The following ZNF837 variants were observed in gnomAD, a reference collection of about 807,000 sequenced individuals.
ZNF837 encodes the protein zinc finger protein 837.
For missense variants in ZNF837, 955 were observed against 801.7 expected, an observed-to-expected ratio of 1.19 and a Z score of -2.31; for synonymous variants, 475 against 365.2, an observed-to-expected ratio of 1.30 and a Z score of -3.43.
chr19:58,368,669 C>T lies in ZNF837; in HGVS notation c.664G>A (p.Glu222Lys). 2 of 1,529,632 alleles carry T rather than the reference C, an allele frequency of 1.3e-6. No homozygotes were observed. Among genetic ancestry groups the T allele is most frequent in the South Asian group, 1.2e-5 (1 of 83,422 alleles). The allele number at this position is 1,529,632 out of a possible 1,614,324, so 94.8% of individuals were successfully genotyped here. ...CACCGGGCACACGGACGGGGCTCCT[C>T]CGTCGCCTGCAGCCTCTCCTGGGGG... ...RIPQERLQAT[E>K]EPRPCARCGK... Residue 222 changes from glutamate to lysine, a missense_variant, in exon 3 of 3, where the codon GAG (glutamate) becomes AAG (lysine). Physicochemically the swap from Glu to Lys is moderately conservative, Grantham distance 56 (BLOSUM62 1). Transcript: ENST00000597582.
Position 58,368,481 on chromosome 19 carries a change from G to C in ZNF837, c.852C>G (p.Ser284=). The C allele has an allele frequency of 6.4e-7, 1 of 1,563,832 alleles. No homozygotes were observed. The highest frequency in any genetic ancestry group is 8.6e-7 in the Non-Finnish European group (1 of 1,156,496). ...GGATGCGCTGGTGCTGCAGCAGGCT[G>C]GAGGTGCGCGTGAAGGCCTTGCCGC... ...DECGKAFTRT[S]SLLQHQRIHT... Residue 284 remains serine (S), a synonymous_variant, in exon 3 of 3, where the codon TCC becomes TCG. Transcript: ENST00000597582.
At chr19:58,371,740 GAGAC>G (rs1025851639) in intron 1 of ZNF837, among the ~76,000 whole-genome samples, 1 of 152,078 alleles carries the variant, frequency 6.6e-6, no homozygotes, top group African/African-American at 2.4e-5. Context: ...GGTGTTTTTT[GAGAC>G]AGAGGCTCTC....
chr19:58,371,421 T>C (rs2052201119), intron 1 of ZNF837, among the ~76,000 whole-genome samples: 1 of 152,042 alleles, frequency 6.6e-6, no homozygotes, highest in Non-Finnish European at 1.5e-5. Flanking sequence ...AATAAATAAA[T>C]AAATAAATAT....
At position 58,368,926 on chromosome 19, in the gene ZNF837, G is replaced by A. The variant is rs905807380; in HGVS notation, c.407C>T (p.Ala136Val). 1 of 1,545,792 alleles carries A rather than the reference G, an allele frequency of 6.5e-7. No homozygotes were observed. Among genetic ancestry groups the A allele is most frequent in the Non-Finnish European group, 8.7e-7 (1 of 1,144,318 alleles). ...RNSCLAWHRGAPAGETPPVCD... is the reference protein window; with the variant it reads ...RNSCLAWHRGVPAGETPPVCD... ...CACGGGTGGCGTCTCCCCAGCGGGCGCCCCGCGATGCCACGCCAGGCAGGA... is the reference window on the plus strand; with the variant it reads ...CACGGGTGGCGTCTCCCCAGCGGGCACCCCGCGATGCCACGCCAGGCAGGA... Residue 136 changes from alanine (A) to valine (V), a missense_variant, in exon 3 of 3, where the codon GCG (alanine) becomes GTG (valine). Physicochemically the swap from Ala to Val is moderately conservative, Grantham distance 64 (BLOSUM62 0). Coordinates refer to ENST00000597582, the MANE Select transcript of ZNF837 (RefSeq NM_138466.2).
rs2052149612 is a variant in ZNF837, at chr19:58,367,845, CGT to C, written c.1486_1487del (p.Thr496AlafsTer66). ...ACGCGTAGGGCCGCTCGCCCGTGTG[CGT>C]GCGCAGGTGGCGCACCAGGCTGCAG... Reference protein sequence around the residue: ...RNCSLVRHLRTHTGERPYACG... With the variant: ...RNCSLVRHLRXHTGERPYACG... On this transcript the variant is annotated frameshift_variant, in exon 3 of 3. Transcript: ENST00000597582. LOFTEE classifies it low-confidence loss of function (END_TRUNC). 1.3e-6 allele frequency: 2 copies of C among 1,535,044 alleles called. No individual in the cohort carries two copies. The highest frequency in any genetic ancestry group is 1.7e-6 in the Non-Finnish European group (2 of 1,144,276).
chr19:58,377,204 G>A (rs1183197238), intron 1 of ZNF837, among the ~76,000 whole-genome samples: 1 of 136,974 alleles, frequency 7.3e-6, no homozygotes. Context: ...GCGACAGAGC[G>A]AGACTCCGTC....
intron 1 of ZNF837, among the ~76,000 whole-genome samples, chr19:58,370,542 G>A (rs2052190466): frequency 6.6e-6 from 1 of 152,186 alleles, no homozygotes; most frequent in South Asian, 2.1e-4. Flanking sequence ...ACTTTGCTGA[G>A]ATACACACAC....
Position 58,368,076 on chromosome 19 carries a change from G to C in ZNF837, c.1257C>G (p.Tyr419Ter). The change falls in exon 3 of 3, where the codon TAC becomes TAG. Residue 419 changes from tyrosine (Y) to a stop codon, truncating the protein, a stop_gained. Transcript: ENST00000597582. LOFTEE classifies it low-confidence loss of function (END_TRUNC). ...HQRTHSSAKP[Y>*]ACPLCEKAFK... ...AGGCCTTTTCGCACAGTGGGCACGC[G>C]TAGGGCTTGGCGCTGCTGTGAGTGC... 1 of 1,549,670 alleles carries C rather than the reference G, an allele frequency of 6.5e-7. No homozygotes were observed. The highest frequency in any genetic ancestry group is 8.7e-7 in the Non-Finnish European group (1 of 1,150,680).
Position 58,367,791 on chromosome 19 carries a change from T to C in ZNF837, c.1542A>G (p.Gln514=), listed in dbSNP as rs774816058. The change falls in exon 3 of 3, where the codon CAA becomes CAG. Residue 514 remains glutamine, a synonymous_variant. Transcript: ENST00000597582. ...ACGDCGRAFS[Q]RSNLNEHRKR... The stretch of plus-strand genomic sequence containing the variant: ...TCCGGTGCTCGTTGAGGTTGGAGCG[T>C]TGGCTGAAGGCGCGGCCGCAATCTC... 1.1e-5 allele frequency: 17 copies of C among 1,536,192 alleles called. No individual in the cohort carries two copies. Among genetic ancestry groups the C allele is most frequent in the Non-Finnish European group, 1.5e-5 (17 of 1,146,070 alleles).
Position 58,368,196 on chromosome 19 carries a change from C to T in ZNF837, c.1137G>A (p.Val379=). The change falls in exon 3 of 3, where the codon GTG becomes GTA. Residue 379 remains valine (V), a synonymous_variant. Transcript: ENST00000597582. ...CGCCGGTGTGCACGCGCCGGTGCTC[C>T]ACGAGGTGCGAGAACAGCCCGAAGG... ...AKAFGLFSHL[V]EHRRVHTGEK... 1 of 1,565,430 alleles carries T rather than the reference C, an allele frequency of 6.4e-7. No homozygotes were observed. Among genetic ancestry groups the T allele is most frequent in the Non-Finnish European group, 8.6e-7 (1 of 1,158,512 alleles).
chr19:58,367,799 A>C lies in ZNF837; in HGVS notation c.1534T>G (p.Phe512Val). 6 of 1,536,342 alleles carry C rather than the reference A, an allele frequency of 3.9e-6. No homozygotes were observed. The highest frequency in any genetic ancestry group is 5.2e-6 in the Non-Finnish European group (6 of 1,145,886). Residue 512 changes from phenylalanine to valine, a missense_variant, in exon 3 of 3, where the codon TTC becomes GTC. Transcript: ENST00000597582. The stretch of plus-strand genomic sequence containing the variant: ...TCGTTGAGGTTGGAGCGTTGGCTGA[A>C]GGCGCGGCCGCAATCTCCGCACGCG... ...PYACGDCGRAFSQRSNLNEHR... is the reference protein window; with the variant it reads ...PYACGDCGRAVSQRSNLNEHR...
Position 58,368,428 on chromosome 19 carries a change from G to A in ZNF837, c.905C>T (p.Ala302Val), listed in dbSNP as rs866829610. 47 of 1,553,656 alleles carry A rather than the reference G, an allele frequency of 3.0e-5. No individual in the cohort carries two copies. The highest frequency in any genetic ancestry group is 3.8e-5 in the Non-Finnish European group (44 of 1,151,954). ...GCGCACGAAGGCCTTGCCGCACTCG[G>A]CGCACTCGTAGGGCCGCTCGCCCGT... is the stretch of plus-strand genomic sequence containing the variant. ...IHTGERPYEC[A>V]ECGKAFVRCS... Residue 302 changes from alanine (A) to valine (V), a missense_variant, in exon 3 of 3, where the codon GCC becomes GTC. Transcript: ENST00000597582.
Position 58,367,980 on chromosome 19 carries a change from C to A in ZNF837, c.1353G>T (p.Glu451Asp), listed in dbSNP as rs942805075. The change falls in exon 3 of 3, where the codon GAG (glutamate) becomes GAT (aspartate). Residue 451 changes from glutamate (E) to aspartate (D), a missense_variant. Coordinates refer to ENST00000597582, the MANE Select transcript of ZNF837 (RefSeq NM_138466.2). ...HTGERPYGCSECGKTFRGCSE... is the reference protein window; with the variant it reads ...HTGERPYGCSDCGKTFRGCSE... ...AGCAGCCGCGGAAGGTCTTTCCGCA[C>A]TCGGAGCAGCCATAGGGCCGCTCGC... 28 of 1,531,720 alleles carry A rather than the reference C, an allele frequency of 1.8e-5. No homozygotes were observed. The highest frequency in any genetic ancestry group is 2.4e-5 in the Non-Finnish European group (28 of 1,143,652). The allele number at this position is 1,531,720 out of a possible 1,614,324, so 94.9% of individuals were successfully genotyped here. A position where few individuals can be genotyped will look rare whatever the true frequency, so the allele number is the denominator to read the frequency against.
At position 58,368,315 on chromosome 19, in the gene ZNF837, C is replaced by G. The variant is rs1031586813; in HGVS notation, c.1018G>C (p.Gly340Arg). Reference protein sequence around the residue: ...PVLARRAFRLGCPPCGDYSER... With the variant: ...PVLARRAFRLRCPPCGDYSER... Reference sequence around the variant, plus strand: ...CTGTAGTCCCCGCAGGGCGGGCACCCCAGCCGGAAGGCGCGCCGCGCCAGG... The same window carrying G: ...CTGTAGTCCCCGCAGGGCGGGCACCGCAGCCGGAAGGCGCGCCGCGCCAGG... Residue 340 changes from glycine (G) to arginine (R), a missense_variant, in exon 3 of 3, where the codon GGG becomes CGG. Gly to Arg is a moderately radical substitution (Grantham distance 125). Coordinates refer to ENST00000597582, the MANE Select transcript of ZNF837 (RefSeq NM_138466.2). 1.3e-6 allele frequency: 2 copies of G among 1,489,674 alleles called. No homozygotes were observed. The highest frequency in any genetic ancestry group is 1.3e-5 in the South Asian group (1 of 75,736). 92.3% of individuals were successfully genotyped at this position (1,489,674 alleles called of 1,614,324 possible).
Position 58,368,327 on chromosome 19 carries a change from C to T in ZNF837, c.1006G>A (p.Ala336Thr), listed in dbSNP as rs1209898215. Reference protein sequence around the residue: ...HRRGPVLARRAFRLGCPPCGD... With the variant: ...HRRGPVLARRTFRLGCPPCGD... ...CAGGGCGGGCACCCCAGCCGGAAGG[C>T]GCGCCGCGCCAGGACGGGGCCACGC... The change falls in exon 3 of 3, where the codon GCC becomes ACC. Residue 336 changes from alanine (A) to threonine (T), a missense_variant. Ala to Thr is a moderately conservative substitution (Grantham distance 58). Transcript: ENST00000597582. 7 of 1,500,536 alleles carry T rather than the reference C, an allele frequency of 4.7e-6. No homozygotes were observed. The highest frequency in any genetic ancestry group is 6.2e-6 in the Non-Finnish European group (7 of 1,133,172). The allele number at this position is 1,500,536 out of a possible 1,614,324, so 93.0% of individuals were successfully genotyped here.
Position 58,377,654 on chromosome 19 carries a change from G to T in ZNF837, c.-140+3287C>A, listed in dbSNP as rs558795690. Among the ~76,000 whole-genome samples the T allele has an allele frequency of 4.6e-5, 7 of 152,268 alleles. No individual in the cohort carries two copies. In the South Asian group the frequency reaches 1.4e-3, roughly 32 times the overall value. On this transcript the variant is annotated intron_variant, in intron 1 of 2. Transcript: ENST00000597582. ...CCACATCTCAAAAAAAGAAAGCAAAGAAAACTCTTCATTAGAAACTGAACA... is the reference window on the plus strand; with the variant it reads ...CCACATCTCAAAAAAAGAAAGCAAATAAAACTCTTCATTAGAAACTGAACA...
chr19:58,367,688 T>C lies in ZNF837; in HGVS notation c.*49A>G. On this transcript the variant is annotated 3_prime_UTR_variant, in exon 3 of 3. Transcript: ENST00000597582. ...GGTTTTCCGGGACAAAGGCCCCTCCTCGACGCAGGGTTCGCTTGGGCGACG... is the reference window on the plus strand; with the variant it reads ...GGTTTTCCGGGACAAAGGCCCCTCCCCGACGCAGGGTTCGCTTGGGCGACG... 2 of 1,448,916 alleles carry C rather than the reference T, an allele frequency of 1.4e-6. No homozygotes were observed. Among genetic ancestry groups the C allele is most frequent in the Non-Finnish European group, 1.8e-6 (2 of 1,106,398 alleles). 89.8% of individuals were successfully genotyped at this position (1,448,916 alleles called of 1,614,324 possible).
At chr19:58,375,313 A>ATATATATATATATATAT (rs1568568408) in intron 1 of ZNF837, among the ~76,000 whole-genome samples, 1 of 34,574 alleles carries the variant, frequency 2.9e-5, no homozygotes, top group African/African-American at 7.5e-5. Context: ...TATATATATA[A>ATATATATATATATATAT]AATTACATAT....
At chr19:58,373,201 C>A (rs934940425) in intron 1 of ZNF837, among the ~76,000 whole-genome samples, 1 of 152,184 alleles carries the variant, frequency 6.6e-6, no homozygotes. Context: ...CCAAAGGCGC[C>A]GATCCTTCCT....
Sources: allele counts gnomAD v4.1 joint callset (sites outside exome capture counted in the v4.1 genomes callset), GRCh38; gene constraint gnomAD v4.1.1; transcripts MANE v1.5; gene names NCBI Gene and HGNC (gene_info 2026-07-23, HGNC 2026-07-21).